The following TRAPPC12 variants were observed in gnomAD, a reference collection of about 807,000 sequenced individuals.
TRAPPC12 encodes trafficking protein particle complex subunit 12, also known as TPR repeat protein 15.
A neutral mutation model predicts 69.2 loss-of-function variants in TRAPPC12; 61 were observed. The ratio of observed to expected loss-of-function variants is 0.88; its 90% CI spans 0.72 to 1.09. The LOEUF (loss-of-function observed/expected upper bound fraction) is 1.09, where lower values mean the gene tolerates loss of function less well. Among genes scored for constraint, TRAPPC12 ranks in the 50% least tolerant of loss-of-function variants. The pLI is 0.00. For missense variants in TRAPPC12, 1,101 were observed against 1,016.4 expected (o/e 1.08, Z -1.13); for synonymous variants, 469 against 438.9 (o/e 1.07, Z -0.86).
chr2:3,389,734 C>A (rs891444968), intron 2 of TRAPPC12: 1 of 471,112 alleles, frequency 2.1e-6, no homozygotes. Flanking sequence ...GTCCTGAGTT[C>A]TTGTCCTGCC....
At chr2:3,406,473 C>T (rs1052233848) in intron 3 of TRAPPC12, among the ~76,000 whole-genome samples, 3 of 152,142 alleles carry the variant, frequency 2.0e-5, no homozygotes, top group Non-Finnish European at 4.4e-5. Context: ...CAATGTCAGT[C>T]GAATGCTTCT....
intron 6 of TRAPPC12, among the ~76,000 whole-genome samples, chr2:3,452,394 A>C (rs190974573): frequency 1.3e-5 from 2 of 152,300 alleles, no homozygotes; most frequent in African/African-American, 4.8e-5. Flanking sequence ...GGCCACACGC[A>C]AGGGATGGGA....
At chr2:3,388,945 G>A in intron 2 of TRAPPC12, 1 of 383,610 alleles carries the variant, frequency 2.6e-6, no homozygotes. Context: ...AGTTCTCCAT[G>A]TCCTGTAATC....
In TRAPPC12 at chr2:3,446,276, C is replaced by T. The variant is rs147335150; in HGVS notation, c.1530+2385C>T. 1.7e-3 allele frequency among the ~76,000 whole-genome samples: 264 copies of T among 152,322 alleles called. 2 individuals carry two copies. Among genetic ancestry groups the T allele is most frequent in the African/African-American group, 6.0e-3 (249 of 41,570 alleles). ...GTACTTAAATGAGGAAATCGCAATT[C>T]GTTCTAATCCTGGAAGAAAAACAAG... On this transcript the variant is annotated intron_variant, in intron 6 of 11. Coordinates refer to ENST00000324266, the MANE Select transcript of TRAPPC12 (RefSeq NM_016030.6).
chr2:3,475,565 T>C (rs1666257016), intron 9 of TRAPPC12, among the ~76,000 whole-genome samples: 1 of 152,122 alleles, frequency 6.6e-6, no homozygotes, highest in South Asian at 2.1e-4. Flanking sequence ...TTAATAATTC[T>C]GAAAATGTCA....
intron 5 of TRAPPC12, among the ~76,000 whole-genome samples, chr2:3,442,714 C>T (rs1027732651): frequency 6.6e-6 from 1 of 152,170 alleles, no homozygotes; most frequent in Non-Finnish European, 1.5e-5. Flanking sequence ...AGACCATAAA[C>T]ATAAAGCTCA....
At chr2:3,455,679 G>A (rs1420474557) in intron 6 of TRAPPC12, 1 of 152,194 alleles carries the variant, frequency 6.6e-6, no homozygotes, top group African/African-American at 2.4e-5. Context: ...TAAATGACAG[G>A]ATACCATTCT....
chr2:3,400,549 A>G (rs1340416314), intron 2 of TRAPPC12, among the ~76,000 whole-genome samples: 1 of 152,056 alleles, frequency 6.6e-6, no homozygotes, highest in Admixed American at 6.6e-5. Context: ...CAGCACCCCC[A>G]GAAAGGAGAG....
At chr2:3,392,459 C>T (rs1238106311) in intron 2 of TRAPPC12, among the ~76,000 whole-genome samples, 1 of 152,196 alleles carries the variant, frequency 6.6e-6, no homozygotes, top group Non-Finnish European at 1.5e-5. Flanking sequence ...GATAATGCAG[C>T]CACAACACTG....
At chr2:3,386,780 A>G (rs545184474) in intron 1 of TRAPPC12, among the ~76,000 whole-genome samples, 4 of 152,250 alleles carry the variant, frequency 2.6e-5, no homozygotes, top group South Asian at 4.2e-4. Flanking sequence ...GGAGGGCTTC[A>G]TGGAAGAGGA....
chr2:3,425,644 G>A (rs562724636), intron 5 of TRAPPC12, among the ~76,000 whole-genome samples: 8 of 152,274 alleles, frequency 5.3e-5, no homozygotes, highest in African/African-American at 9.6e-5. Flanking sequence ...GGAAAGTCTC[G>A]CACTGCCGCA....
At chr2:3,392,755 C>T (rs1660893711) in intron 2 of TRAPPC12, among the ~76,000 whole-genome samples, 1 of 152,194 alleles carries the variant, frequency 6.6e-6, no homozygotes, top group Admixed American at 6.5e-5. Flanking sequence ...TTAATACAGC[C>T]ATTATGGAAA....
At chr2:3,457,134 A>G (rs1208167192) in intron 6 of TRAPPC12, 1 of 464,590 alleles carries the variant, frequency 2.2e-6, no homozygotes, top group Non-Finnish European at 4.4e-6. Flanking sequence ...AAAGAACCAA[A>G]TCATGTTGTT....
intron 5 of TRAPPC12, among the ~76,000 whole-genome samples, chr2:3,425,472 G>A (rs540701326): frequency 6.6e-6 from 1 of 152,152 alleles, no homozygotes; most frequent in Non-Finnish European, 1.5e-5. Flanking sequence ...CTGTGCCCCA[G>A]TGTCCTTATT....
At chr2:3,391,794 C>A (rs565712906) in intron 2 of TRAPPC12, among the ~76,000 whole-genome samples, 8 of 152,068 alleles carry the variant, frequency 5.3e-5, no homozygotes, top group Non-Finnish European at 1.2e-4. Flanking sequence ...TCCTGTCCCC[C>A]CAAGATGGCT....
chr2:3,459,741 G>A (rs959980174), intron 7 of TRAPPC12, among the ~76,000 whole-genome samples: 4 of 152,240 alleles, frequency 2.6e-5, no homozygotes, highest in Admixed American at 6.5e-5. Context: ...TCTGGAACAC[G>A]GTGTAGCACT....
At chr2:3,463,906 G>A (rs968474081) in intron 8 of TRAPPC12, among the ~76,000 whole-genome samples, 6 of 152,122 alleles carry the variant, frequency 3.9e-5, no homozygotes, top group South Asian at 2.1e-4. Flanking sequence ...AGAAGCCTAG[G>A]GGGGCAGCTG....
chr2:3,418,256 A>G (rs974324456), intron 3 of TRAPPC12, among the ~76,000 whole-genome samples: 1 of 152,084 alleles, frequency 6.6e-6, no homozygotes, highest in Non-Finnish European at 1.5e-5. Flanking sequence ...CTAATTCACA[A>G]TAATCAGTCA....
At chr2:3,386,384 G>T (rs561142284) in intron 1 of TRAPPC12, among the ~76,000 whole-genome samples, 1 of 152,238 alleles carries the variant, frequency 6.6e-6, no homozygotes, top group African/African-American at 2.4e-5. Context: ...TGAGCTCTTT[G>T]TCTCATTCTT....
Sources: gnomAD v4.1 joint callset for allele counts (sites outside exome capture counted in the v4.1 genomes callset) on GRCh38, gnomAD v4.1.1 for gene constraint, MANE v1.5 for transcripts, NCBI Gene and HGNC (gene_info 2026-07-23, HGNC 2026-07-21) for gene names.